ANKH: variants seen among roughly 807,000 people sequenced by gnomAD.
ANKH encodes ANKH inorganic pyrophosphate transport regulator.
Under a neutral mutation model 49.0 loss-of-function variants are expected in ANKH, and 15 were observed. That is an observed-to-expected ratio of 0.31 (90% CI 0.20 to 0.47). The LOEUF (loss-of-function observed/expected upper bound fraction) is 0.47. ANKH is among the 20% of genes least tolerant of loss of function. The pLI is 1.00. For synonymous variants in ANKH, 273 were observed against 260.0 expected, an observed-to-expected ratio of 1.05 and a Z score of -0.48; for missense variants, 429 against 652.0, an observed-to-expected ratio of 0.66 and a Z score of 3.72.
At chr5:14,750,207 TA>T (rs1309073288) in intron 5 of ANKH, among the ~76,000 whole-genome samples, 1 of 152,220 alleles carries the variant, frequency 6.6e-6, no homozygotes, top group Admixed American at 6.5e-5. Context: ...TTCAGGGCTA[TA>T]GATGCCTTAC....
chr5:14,780,135 C>T (rs182890916), intron 1 of ANKH, among the ~76,000 whole-genome samples: 6 of 150,642 alleles, frequency 4.0e-5, no homozygotes, highest in East Asian at 3.9e-4. Context: ...TGTGAATGAA[C>T]GGTGCCTGGA....
intron 1 of ANKH, among the ~76,000 whole-genome samples, chr5:14,863,228 T>G (rs1191932423): frequency 6.6e-6 from 1 of 152,134 alleles, no homozygotes; most frequent in Non-Finnish European, 1.5e-5. Context: ...AAAAAATTTT[T>G]TTTAAACCCT....
intron 1 of ANKH, among the ~76,000 whole-genome samples, chr5:14,780,870 C>G (rs982850583): frequency 6.6e-6 from 1 of 152,180 alleles, no homozygotes; most frequent in Non-Finnish European, 1.5e-5. Context: ...ATTATACTTA[C>G]GATGACATCA....
chr5:14,726,999 T>C (rs2126438813), intron 8 of ANKH, among the ~76,000 whole-genome samples: 1 of 152,132 alleles, frequency 6.6e-6, no homozygotes, highest in Admixed American at 6.5e-5. Flanking sequence ...TGGGAGAAAG[T>C]AGGGAACCTC....
intron 1 of ANKH, among the ~76,000 whole-genome samples, chr5:14,788,610 C>A (rs781221196): frequency 7.9e-5 from 12 of 152,102 alleles, no homozygotes; most frequent in Admixed American, 2.0e-4. Flanking sequence ...AATTAATTGC[C>A]GTAAGGATTA....
intron 1 of ANKH, among the ~76,000 whole-genome samples, chr5:14,787,444 T>G (rs1192842721): frequency 6.6e-6 from 1 of 152,216 alleles, no homozygotes; most frequent in Non-Finnish European, 1.5e-5. Flanking sequence ...TGAGTATATT[T>G]GTATGAGCAG....
intron 1 of ANKH, among the ~76,000 whole-genome samples, chr5:14,845,366 ATTT>A (rs60459352): frequency 1.5e-3 from 110 of 75,718 alleles, no homozygotes; most frequent in African/African-American, 4.7e-3. Context: ...ATATATATAT[ATTT>A]TTTTTTTTAC....
At chr5:14,845,030 A>G (rs1741916460) in intron 1 of ANKH, among the ~76,000 whole-genome samples, 1 of 126,582 alleles carries the variant, frequency 7.9e-6, no homozygotes, top group Non-Finnish European at 1.6e-5. Flanking sequence ...AGCGTGCAAG[A>G]AAAAAAAAAA....
At chr5:14,746,236 T>C (rs1738535847) in intron 6 of ANKH, among the ~76,000 whole-genome samples, 1 of 151,664 alleles carries the variant, frequency 6.6e-6, no homozygotes, top group South Asian at 2.1e-4. Context: ...CGTCACATTT[T>C]ACGCAGATCC....
intron 6 of ANKH, among the ~76,000 whole-genome samples, chr5:14,746,227 G>A (rs772182760): frequency 1.3e-5 from 2 of 151,948 alleles, no homozygotes; most frequent in African/African-American, 2.4e-5. Context: ...AGGGGGATGC[G>A]TCACATTTTA....
At chr5:14,805,733 A>T (rs907500956) in intron 1 of ANKH, among the ~76,000 whole-genome samples, 4 of 152,000 alleles carry the variant, frequency 2.6e-5, no homozygotes, top group Non-Finnish European at 4.4e-5. Context: ...CAATGTTATT[A>T]AAGTTGGATG....
At chr5:14,797,986 TA>T in intron 1 of ANKH, 1 of 1,561,820 alleles carries the variant, frequency 6.4e-7, no homozygotes, top group Non-Finnish European at 8.8e-7. Flanking sequence ...GTTGTGATGA[TA>T]CAAGGGTTCT....
At chr5:14,790,071 A>G (rs531878157) in intron 1 of ANKH, among the ~76,000 whole-genome samples, 28 of 152,312 alleles carry the variant, frequency 1.8e-4, no homozygotes, top group African/African-American at 6.7e-4. Context: ...GCTTTAAAGT[A>G]AGTCTTATGA....
rs117765262 is a variant in ANKH, at chr5:14,810,795, A to T, written c.97-41604T>A. 2.7e-3 allele frequency among the ~76,000 whole-genome samples: 418 copies of T among 152,334 alleles called. 9 individuals are homozygous for T. The East Asian group carries it at 0.072, about 26-fold the overall frequency. ...GTTTAAAAGTCTGCAAAATAAATTT[A>T]AAAAACAAACAAAAAAAGCAGACTC... On this transcript the variant is annotated intron_variant, in intron 1 of 11. Transcript: ENST00000284268.
intron 1 of ANKH, among the ~76,000 whole-genome samples, chr5:14,813,487 A>G (rs1200775723): frequency 6.6e-6 from 1 of 152,184 alleles, no homozygotes; most frequent in Non-Finnish European, 1.5e-5. Context: ...GAGTCACAAA[A>G]AAAAAAGGAG....
At chr5:14,728,260 G>C (rs1048928948) in intron 8 of ANKH, among the ~76,000 whole-genome samples, 7 of 152,368 alleles carry the variant, frequency 4.6e-5, no homozygotes, top group South Asian at 2.1e-4. Context: ...CAGGGACTGT[G>C]TGACTTGCCC....
intron 1 of ANKH, among the ~76,000 whole-genome samples, chr5:14,782,537 G>A (rs1739840212): frequency 6.6e-6 from 1 of 152,084 alleles, no homozygotes; most frequent in South Asian, 2.1e-4. Context: ...CTGTCTACTA[G>A]CAATACTTTA....
At chr5:14,733,773 G>A (rs1193817616) in intron 8 of ANKH, among the ~76,000 whole-genome samples, 3 of 152,224 alleles carry the variant, frequency 2.0e-5, no homozygotes, top group Non-Finnish European at 4.4e-5. Flanking sequence ...CGTGTGCGGA[G>A]CCCCGTGTGC....
At chr5:14,757,925 G>T (rs1262973821) in intron 3 of ANKH, among the ~76,000 whole-genome samples, 1 of 152,122 alleles carries the variant, frequency 6.6e-6, no homozygotes, top group African/African-American at 2.4e-5. Flanking sequence ...TTCCACTTCT[G>T]GGTATATACC....
Sources: allele counts gnomAD v4.1 joint callset (sites outside exome capture counted in the v4.1 genomes callset), GRCh38; gene constraint gnomAD v4.1.1; transcripts MANE v1.5; gene names NCBI Gene and HGNC (gene_info 2026-07-23, HGNC 2026-07-21).